CLASP1: variants seen among roughly 807,000 people sequenced by gnomAD.
CLASP1 encodes cytoplasmic linker associated protein 1.
A neutral mutation model predicts 192.3 loss-of-function variants in CLASP1; 38 were observed. That is an observed-to-expected ratio of 0.20 (90% CI 0.15 to 0.26). The LOEUF (loss-of-function observed/expected upper bound fraction) is 0.26, where lower values mean the gene tolerates loss of function less well. Ranked by LOEUF, CLASP1 falls within the 10% of genes least tolerant of loss-of-function variation. CLASP1 has a pLI of 1.00. For missense variants in CLASP1, 1,433 were observed against 1,932.5 expected, an observed-to-expected ratio of 0.74 and a Z score of 4.85; for synonymous variants, 691 against 712.8, an observed-to-expected ratio of 0.97 and a Z score of 0.49.
In CLASP1 at chr2:121,418,896, T is replaced by C. The variant is rs150347512; in HGVS notation, c.2213-167A>G. Among the ~76,000 whole-genome samples the C allele has an allele frequency of 4.5e-3, 691 of 152,250 alleles. 7 individuals carry two copies. Among genetic ancestry groups the C allele is most frequent in the African/African-American group, 0.016 (666 of 41,558 alleles). On this transcript the variant is annotated intron_variant, in intron 22 of 39. Coordinates refer to ENST00000263710, the Ensembl canonical transcript of CLASP1. The stretch of plus-strand genomic sequence containing the variant: ...CATGCTGAGGTCTCACTGACTGACG[T>C]GCCAACGGGGGAGGGTTTGGGTAAA...
At chr2:121,496,613 C>T (rs551849345) in intron 8 of CLASP1, among the ~76,000 whole-genome samples, 4 of 152,260 alleles carry the variant, frequency 2.6e-5, no homozygotes, top group Non-Finnish European at 5.9e-5. Context: ...TCGCAGAGAA[C>T]ACTGGGACTA....
intron 30 of CLASP1, among the ~76,000 whole-genome samples, chr2:121,394,828 C>T (rs1244855124): frequency 1.3e-5 from 2 of 152,118 alleles, no homozygotes; most frequent in African/African-American, 2.4e-5. Flanking sequence ...TGCAGTGAGC[C>T]GAGATCGCGC....
chr2:121,374,923 T>C (rs182938282), intron 34 of CLASP1, among the ~76,000 whole-genome samples: 5 of 152,288 alleles, frequency 3.3e-5, no homozygotes, highest in African/African-American at 9.6e-5. Context: ...CTTGGACTTT[T>C]GAGTTAATGC....
At chr2:121,631,016 G>C (rs1046787999) in intron 1 of CLASP1, among the ~76,000 whole-genome samples, 1 of 151,320 alleles carries the variant, frequency 6.6e-6, no homozygotes, top group Non-Finnish European at 1.5e-5. Context: ...AAAATTAGCC[G>C]GGTGTGGTGG....
At chr2:121,564,746 A>G (rs1312862828) in intron 2 of CLASP1, among the ~76,000 whole-genome samples, 3 of 152,214 alleles carry the variant, frequency 2.0e-5, no homozygotes, top group Admixed American at 6.5e-5. Context: ...GTAGAACACA[A>G]GCAGCCATCA....
chr2:121,508,347 C>T (rs1403415293), intron 7 of CLASP1, among the ~76,000 whole-genome samples: 1 of 152,056 alleles, frequency 6.6e-6, no homozygotes, highest in Non-Finnish European at 1.5e-5. Flanking sequence ...AGAGCAACTG[C>T]GAATAATTCC....
chr2:121,443,635 T>C (rs2149746813), intron 19 of CLASP1, among the ~76,000 whole-genome samples: 2 of 152,328 alleles, frequency 1.3e-5, no homozygotes, highest in South Asian at 4.1e-4. Flanking sequence ...TTATTTTAAT[T>C]CTGGAATTTT....
At chr2:121,434,298 C>G (rs1006641485) in intron 19 of CLASP1, among the ~76,000 whole-genome samples, 9 of 152,158 alleles carry the variant, frequency 5.9e-5, no homozygotes, top group Non-Finnish European at 1.5e-5. Context: ...GCTCTGCTGC[C>G]TAGGCTGGAG....
chr2:121,468,205 A>G (rs2090019772), intron 9 of CLASP1, among the ~76,000 whole-genome samples: 1 of 152,124 alleles, frequency 6.6e-6, no homozygotes, highest in African/African-American at 2.4e-5. Context: ...CTTATAGTAT[A>G]AAGTTGGATA....
intron 8 of CLASP1, among the ~76,000 whole-genome samples, chr2:121,488,506 G>A (rs1260868180): frequency 6.6e-6 from 1 of 152,202 alleles, no homozygotes; most frequent in African/African-American, 2.4e-5. Flanking sequence ...CAGAGCACTT[G>A]GCCTGACAAA....
intron 2 of CLASP1, among the ~76,000 whole-genome samples, chr2:121,555,988 CTTTTTTTTTTTTTTTTTT>C (rs34423741): frequency 0.019 from 826 of 42,470 alleles, 31 homozygotes; most frequent in African/African-American, 0.085. Flanking sequence ...CTACCCACCG[CTTTTTTTTTTTTTTTTTT>C]TTTTTTTTTT....
At chr2:121,578,135 G>C (rs1359985057) in intron 2 of CLASP1, among the ~76,000 whole-genome samples, 1 of 151,976 alleles carries the variant, frequency 6.6e-6, no homozygotes, top group Non-Finnish European at 1.5e-5. Flanking sequence ...GTTTCACCAT[G>C]TTGCTCGGGC....
intron 2 of CLASP1, among the ~76,000 whole-genome samples, chr2:121,544,192 T>C (rs565084759): frequency 1.3e-5 from 2 of 152,302 alleles, no homozygotes; most frequent in South Asian, 4.1e-4. Context: ...AAAAAGTGTG[T>C]AACAGAAGCC....
Position 121,362,717 on chromosome 2 carries a change from C to G in CLASP1, c.4206+455G>C, listed in dbSNP as rs144458713. On this transcript the variant is annotated intron_variant, in intron 37 of 39. Transcript: ENST00000263710. ...TGAAAATATCCATTCCTATTTTACA[C>G]ACAAGGAAACGGAGGCTCAGAAGGT... Among the ~76,000 whole-genome samples, 18 of 152,346 alleles carry G rather than the reference C, an allele frequency of 1.2e-4. No homozygotes were observed. In the East Asian group the frequency reaches 3.3e-3, roughly 28 times the overall value.
chr2:121,536,969 A>T (rs939354720), intron 2 of CLASP1, among the ~76,000 whole-genome samples: 1 of 152,328 alleles, frequency 6.6e-6, no homozygotes, highest in Admixed American at 6.5e-5. Context: ...ATTAGAAATA[A>T]CTTTTAAACA....
At chr2:121,618,237 C>T (rs1254160628) in intron 1 of CLASP1, among the ~76,000 whole-genome samples, 1 of 152,216 alleles carries the variant, frequency 6.6e-6, no homozygotes, top group Non-Finnish European at 1.5e-5. Flanking sequence ...AAACAAGGTA[C>T]TCCAGAAATA....
At chr2:121,382,151 C>T in intron 33 of CLASP1, 57 bp downstream of exon 34, 1 of 1,392,078 alleles carries the variant, frequency 7.2e-7, no homozygotes, top group Non-Finnish European at 1.0e-6. Flanking sequence ...CTGAGACGAC[C>T]TTGGAAATGC....
At chr2:121,648,427 C>T (rs1177757518) in intron 1 of CLASP1, among the ~76,000 whole-genome samples, 1 of 152,158 alleles carries the variant, frequency 6.6e-6, no homozygotes, top group African/African-American at 2.4e-5. Flanking sequence ...TTAATGAACG[C>T]ACCCCACTAC....
chr2:121,609,017 G>A (rs1231113514), intron 1 of CLASP1, among the ~76,000 whole-genome samples: 1 of 152,172 alleles, frequency 6.6e-6, no homozygotes, highest in Non-Finnish European at 1.5e-5. Context: ...TTAAGAAATT[G>A]AGGTAAAGTA....
Sources: allele counts gnomAD v4.1 joint callset (sites outside exome capture counted in the v4.1 genomes callset), GRCh38; gene constraint gnomAD v4.1.1; transcripts MANE v1.5; gene names NCBI Gene and HGNC (gene_info 2026-07-23, HGNC 2026-07-21).